The following EIF6 variants were observed in gnomAD, a reference collection of about 807,000 sequenced individuals.
EIF6 encodes B4 integrin interactor.
EIF6 carries 10 observed loss-of-function variants against 25.5 expected under a neutral mutation model. That is an observed-to-expected ratio of 0.39 (90% CI 0.24 to 0.66). The LOEUF is 0.66. Ranked by LOEUF, EIF6 falls within the 30% of genes least tolerant of loss-of-function variation. The pLI is 0.45. For synonymous variants in EIF6, 122 were observed against 122.6 expected, an observed-to-expected ratio of 1.00 and a Z score of 0.03; for missense variants, 246 against 315.4, an observed-to-expected ratio of 0.78 and a Z score of 1.67.
intron 3 of EIF6, among the ~76,000 whole-genome samples, chr20:35,283,013 C>T (rs557722439): frequency 7.5e-4 from 114 of 152,274 alleles, no homozygotes; most frequent in African/African-American, 2.5e-3. Flanking sequence ...AAGGACCGGC[C>T]GGGCGCAGTG....
chr20:35,284,376 C>T lies in EIF6; in HGVS notation c.107+5G>A, dbSNP rs1244399195. ...CCACCGTAAGCCCCGGGGCTCCCGC[C>T]GCACCTGTAGAAGTTCTCTGAGCCT... On this transcript the variant is annotated splice_donor_5th_base_variant and intron_variant, in intron 2 of 6. Coordinates refer to ENST00000374450, the MANE Select transcript of EIF6 (RefSeq NM_002212.4). 6.2e-7 allele frequency: 1 copy of T among 1,613,916 alleles called. No homozygotes were observed. The highest frequency in any genetic ancestry group is 1.1e-5 in the South Asian group (1 of 91,084).
Position 35,284,174 on chromosome 20 carries a change from AC to A in EIF6, c.193+1del, listed in dbSNP as rs1164766730. ...TCCCTCGGCGTCCTCCACCTGCCTT[AC>A]CCACACACATGCGCCCGATGATGCG... On this transcript the variant is annotated splice_donor_variant, in intron 3 of 6. Transcript: ENST00000374450. LOFTEE classifies it high-confidence loss of function. The A allele has an allele frequency of 2.5e-6, 4 of 1,589,090 alleles. No individual in the cohort carries two copies. The highest frequency in any genetic ancestry group is 2.6e-6 in the Non-Finnish European group (3 of 1,167,328).
chr20:35,281,480 C>T (rs2060775511), intron 3 of EIF6, among the ~76,000 whole-genome samples: 1 of 152,070 alleles, frequency 6.6e-6, no homozygotes, highest in Non-Finnish European at 1.5e-5. Context: ...GAGTCTCACT[C>T]TGTCACCCAG....
In EIF6 at chr20:35,284,426, T is replaced by G. The variant is rs2146267677; in HGVS notation, c.62A>C (p.Asn21Thr). 1 of 1,613,782 alleles carries G rather than the reference T, an allele frequency of 6.2e-7. No individual in the cohort carries two copies. Among genetic ancestry groups the G allele is most frequent in the South Asian group, 1.1e-5 (1 of 91,084 alleles). ...TCCGATCGCTACCAGACAGTAGGTG[T>G]TGGTGAGCTTGGCAAAGCAGCCGAT... ...CEIGCFAKLT[N>T]TYCLVAIGGS... is the part of the protein sequence containing the mutation. The change falls in exon 2 of 7, where the codon AAC (asparagine) becomes ACC (threonine). Residue 21 changes from asparagine (N) to threonine (T), a missense_variant. By Grantham distance (65) the Asn-to-Thr change is moderately conservative (BLOSUM62 0). Coordinates refer to ENST00000374450, the MANE Select transcript of EIF6 (RefSeq NM_002212.4).
In EIF6 at chr20:35,278,992, C is replaced by G. The variant is rs1352204059; in HGVS notation, c.*205G>C. On this transcript the variant is annotated 3_prime_UTR_variant, in exon 7 of 7. Coordinates refer to ENST00000374450, the MANE Select transcript of EIF6 (RefSeq NM_002212.4). Reference sequence around the variant, plus strand: ...CCTCAGCCAGCAGCCACAGGGCCTGCCAGCCAGCACAACAGAGCAGGTTTT... The same window carrying G: ...CCTCAGCCAGCAGCCACAGGGCCTGGCAGCCAGCACAACAGAGCAGGTTTT... 9 of 653,200 alleles carry G rather than the reference C, an allele frequency of 1.4e-5. No individual in the cohort carries two copies. Among genetic ancestry groups the G allele is most frequent in the Non-Finnish European group, 2.4e-5 (9 of 374,170 alleles). 40.5% of individuals were successfully genotyped at this position (653,200 alleles called of 1,614,324 possible).
intron 3 of EIF6, among the ~76,000 whole-genome samples, chr20:35,281,110 T>G (rs8117042): frequency 0.26 from 39,527 of 152,002 alleles, 5,641 homozygotes; most frequent in African/African-American, 0.38. Flanking sequence ...GCCGGGCGTG[T>G]TGGCTCACGC....
At chr20:35,284,669 C>A in intron 1 of EIF6, 57 bp downstream of exon 1, 1 of 683,752 alleles carries the variant, frequency 1.5e-6, no homozygotes, top group Non-Finnish European at 2.4e-6. Context: ...CTGGCCCCCA[C>A]CCCTCCCGAC....
intron 4 of EIF6, 55 bp from the exon 5 acceptor site, chr20:35,280,173 G>A (rs1374770901): frequency 1.3e-6 from 2 of 1,581,256 alleles, no homozygotes; most frequent in Non-Finnish European, 1.7e-6. Context: ...CCAGAACCAA[G>A]GTTCTCCATG....
At chr20:35,281,397 A>C (rs1188858068) in intron 3 of EIF6, among the ~76,000 whole-genome samples, 2 of 150,858 alleles carry the variant, frequency 1.3e-5, no homozygotes, top group Non-Finnish European at 2.9e-5. Flanking sequence ...AAAAAAAAAA[A>C]ACAAAAAAAC....
chr20:35,279,528 C>T (rs2060751534), intron 6 of EIF6, 38 bp downstream of exon 6: 1 of 1,607,614 alleles, frequency 6.2e-7, no homozygotes, highest in Non-Finnish European at 8.5e-7. Flanking sequence ...CAAGTTAACC[C>T]CCAACCCTGA....
intron 4 of EIF6, 60 bp downstream of exon 4, chr20:35,280,594 A>C: frequency 1.3e-6 from 2 of 1,581,286 alleles, no homozygotes; most frequent in Middle Eastern, 1.9e-4. Context: ...GGGAAAGAAC[A>C]GTGGCTAACC....
At position 35,279,828 on chromosome 20, in the gene EIF6, C is replaced by T. The variant is rs2060756924; in HGVS notation, c.547-81G>A. 2.5e-6 allele frequency: 4 copies of T among 1,592,048 alleles called. No individual in the cohort carries two copies. The African/African-American group carries it at 4.0e-5, about 16-fold the overall frequency. Reference sequence around the variant, plus strand: ...TGAAGACTCTCCCCAAACCCTGCTCCTCCCTGACCTGCAGCCCCAGTCCCA... The same window carrying T: ...TGAAGACTCTCCCCAAACCCTGCTCTTCCCTGACCTGCAGCCCCAGTCCCA... On this transcript the variant is annotated intron_variant, in intron 5 of 6. Coordinates refer to ENST00000374450, the MANE Select transcript of EIF6 (RefSeq NM_002212.4).
At chr20:35,280,197 A>T in intron 4 of EIF6, 79 bp from the exon 5 acceptor site, 1 of 1,503,570 alleles carries the variant, frequency 6.7e-7, no homozygotes, top group African/African-American at 1.4e-5. Flanking sequence ...AGAAGCATCC[A>T]GGCCTTGGCT....
In EIF6 at chr20:35,284,452, C is replaced by G. The variant is rs1159732247; in HGVS notation, c.36G>C (p.Glu12Asp). ...TGGTGAGCTTGGCAAAGCAGCCGATCTCACAGTTGTTCTCGAACGAAGCTC... is the reference window on the plus strand; with the variant it reads ...TGGTGAGCTTGGCAAAGCAGCCGATGTCACAGTTGTTCTCGAACGAAGCTC... ...AVRASFENNC[E>D]IGCFAKLTNT... The change falls in exon 2 of 7, where the codon GAG becomes GAC. Residue 12 changes from glutamate (E) to aspartate (D), a missense_variant. Physicochemically the swap from Glu to Asp is conservative, Grantham distance 45 (BLOSUM62 2). Coordinates refer to ENST00000374450, the MANE Select transcript of EIF6 (RefSeq NM_002212.4). 6.2e-7 allele frequency: 1 copy of G among 1,612,474 alleles called. No individual in the cohort carries two copies. The highest frequency in any genetic ancestry group is 8.5e-7 in the Non-Finnish European group (1 of 1,178,780).
Position 35,279,061 on chromosome 20 carries a change from G to T in EIF6, c.*136C>A. ...AGGCGATAAGCACAGGTGGAAAAGG[G>T]TTGGGTGCCCAGCCCCTCAGTCCCA... On this transcript the variant is annotated 3_prime_UTR_variant, in exon 7 of 7. Transcript: ENST00000374450. 1.8e-6 allele frequency: 2 copies of T among 1,109,128 alleles called. No homozygotes were observed. The highest frequency in any genetic ancestry group is 2.7e-6 in the Non-Finnish European group (2 of 740,136). 68.7% of individuals were successfully genotyped at this position (1,109,128 alleles called of 1,614,324 possible).
At chr20:35,282,568 G>A (rs2060785017) in intron 3 of EIF6, among the ~76,000 whole-genome samples, 1 of 152,040 alleles carries the variant, frequency 6.6e-6, no homozygotes, top group South Asian at 2.1e-4. Context: ...AATACTTTGA[G>A]GTCACTAGGC....
In EIF6 at chr20:35,284,356, G is replaced by A. The variant is rs529401362; in HGVS notation, c.107+25C>T. 26 of 1,613,450 alleles carry A rather than the reference G, an allele frequency of 1.6e-5. 1 individual carries two copies. Among genetic ancestry groups the A allele is most frequent in the Middle Eastern group, 3.3e-4 (2 of 6,060 alleles). On this transcript the variant is annotated intron_variant, in intron 2 of 6. Coordinates refer to ENST00000374450, the MANE Select transcript of EIF6 (RefSeq NM_002212.4). ...CTCCTGCGCACGCCTCCCCGCCACC[G>A]TAAGCCCCGGGGCTCCCGCCGCACC...
At chr20:35,280,537 A>G in intron 4 of EIF6, 117 bp downstream of exon 4, 1 of 1,227,646 alleles carries the variant, frequency 8.1e-7, no homozygotes, top group Non-Finnish European at 1.1e-6. Flanking sequence ...GAAACTCAAG[A>G]GCCCATATAG....
Position 35,278,976 on chromosome 20 carries a change from G to A in EIF6, c.*221C>T. ...CACAGGACAGCAGAACCCTCAGCCA[G>A]CAGCCACAGGGCCTGCCAGCCAGCA... On this transcript the variant is annotated 3_prime_UTR_variant, in exon 7 of 7. Transcript: ENST00000374450. 1 of 612,064 alleles carries A rather than the reference G, an allele frequency of 1.6e-6. No homozygotes were observed. The allele number at this position is 612,064 out of a possible 1,614,324, so 37.9% of individuals were successfully genotyped here.
Sources: allele counts gnomAD v4.1 joint callset (sites outside exome capture counted in the v4.1 genomes callset), GRCh38; gene constraint gnomAD v4.1.1; transcripts MANE v1.5; gene names NCBI Gene and HGNC (gene_info 2026-07-23, HGNC 2026-07-21).